Variants in ECPAS observed in about 807,000 individuals in gnomAD.
ECPAS encodes Ecm29 proteasome adaptor and scaffold, also known as proteasome adapter and scaffold protein ECM29.
ECPAS carries 70 observed loss-of-function variants against 255.1 expected under a neutral mutation model. The observed-to-expected ratio is 0.27, with a 90% CI of 0.23 to 0.33. The LOEUF (loss-of-function observed/expected upper bound fraction) is 0.33. Among genes scored for constraint, ECPAS ranks in the 10% least tolerant of loss-of-function variants. The probability of loss-of-function intolerance (pLI) is 1.00; values close to 1 mark genes in which losing one functional copy is unlikely to be tolerated. For synonymous variants in ECPAS, 784 were observed against 775.0 expected, an observed-to-expected ratio of 1.01 and a Z score of -0.19; for missense variants, 1,817 against 2,206.4, an observed-to-expected ratio of 0.82 and a Z score of 3.54.
intron 24 of ECPAS, among the ~76,000 whole-genome samples, chr9:111,401,689 C>T (rs1254288705): frequency 6.6e-6 from 1 of 152,172 alleles, no homozygotes; most frequent in East Asian, 1.9e-4. Context: ...AGTAGCCATT[C>T]ATAGACCTCC....
rs201496342 is a variant in ECPAS, at chr9:111,414,465, T to C, written c.1951A>G (p.Ile651Val). ...GCTAACAGCTGCTGAAGCAGGCCAATGTAGATCTGGACAGGGTTAGTCTCC... is the reference window on the plus strand; with the variant it reads ...GCTAACAGCTGCTGAAGCAGGCCAACGTAGATCTGGACAGGGTTAGTCTCC... The part of the protein sequence containing the change: ...SGETNPVQIY[I>V]GLLQQLLAGV... Residue 651 changes from isoleucine (I) to valine (V), a missense_variant, in exon 19 of 50, where the codon ATT becomes GTT. Coordinates refer to ENST00000684092, the MANE Select transcript of ECPAS (RefSeq NM_001364929.1). The C allele has an allele frequency of 4.2e-5, 68 of 1,614,002 alleles. No homozygotes were observed. Among genetic ancestry groups the C allele is most frequent in the Non-Finnish European group, 5.1e-5 (60 of 1,179,862 alleles).
rs766307166 is a variant in ECPAS at position 111,413,909 on chromosome 9, T to C, written c.2065A>G (p.Thr689Ala). ...EKLATKFVDK[T>A]EWIKSLMNNS... is the part of the protein sequence containing the mutation. ...GCAGAACATACCTTTATCCATTCTG[T>C]TTTGTCTACAAATTTGGTAGCCAGC... Residue 689 changes from threonine to alanine, a missense_variant, in exon 20 of 50, where the codon ACA (threonine) becomes GCA (alanine). By Grantham distance (58) the Thr-to-Ala change is moderately conservative (BLOSUM62 0). Coordinates refer to ENST00000684092, the MANE Select transcript of ECPAS (RefSeq NM_001364929.1). 23 of 1,575,742 alleles carry C rather than the reference T, an allele frequency of 1.5e-5. No individual in the cohort carries two copies. The Admixed American group carries it at 1.6e-4, about 11-fold the overall frequency.
chr9:111,363,500 A>C, intron 49 of ECPAS, 88 bp downstream of exon 49: 1 of 736,284 alleles, frequency 1.4e-6, no homozygotes, highest in Non-Finnish European at 2.4e-6. Flanking sequence ...TATATGCTTA[A>C]GAGTATAAGC....
At chr9:111,368,948 T>C in intron 46 of ECPAS, 87 bp downstream of exon 46, 2 of 1,265,566 alleles carry the variant, frequency 1.6e-6, no homozygotes, top group Middle Eastern at 2.0e-4. Flanking sequence ...TAAGAAACAA[T>C]AACTATAATT....
At chr9:111,404,491 T>C (rs903691740) in intron 24 of ECPAS, among the ~76,000 whole-genome samples, 4 of 148,692 alleles carry the variant, frequency 2.7e-5, no homozygotes, top group Non-Finnish European at 4.4e-5. Context: ...AGGAGAGGCC[T>C]GGTGGGGGGG....
chr9:111,467,914 T>A (rs572694663), intron 2 of ECPAS, among the ~76,000 whole-genome samples: 1 of 152,208 alleles, frequency 6.6e-6, no homozygotes, highest in South Asian at 2.1e-4. Context: ...GATACACAGA[T>A]TCAGAAGCTG....
chr9:111,470,746 CCACACACACACA>C lies in ECPAS; in HGVS notation c.22+2139_22+2150del, dbSNP rs57091815. On this transcript the variant is annotated intron_variant, in intron 2 of 49. Coordinates refer to ENST00000684092, the MANE Select transcript of ECPAS (RefSeq NM_001364929.1). ...AACCCCATCATGTCCTCTCCTCCCG[CCACACACACACA>C]CACACACACACACACACACACACAC... Among the ~76,000 whole-genome samples the C allele has an allele frequency of 8.7e-4, 108 of 124,584 alleles. 1 individual carries two copies. The East Asian group carries it at 9.8e-3, about 11-fold the overall frequency. 81.7% of individuals were successfully genotyped at this position (124,584 alleles called of 152,430 possible). A position where few individuals can be genotyped will look rare whatever the true frequency, so the allele number is the denominator to read the frequency against.
Position 111,383,228 on chromosome 9 carries a change from C to G in ECPAS, c.3786G>C (p.Thr1262=). The change falls in exon 35 of 50, where the codon ACG becomes ACC. Residue 1262 remains threonine, a synonymous_variant. Coordinates refer to ENST00000684092, the MANE Select transcript of ECPAS (RefSeq NM_001364929.1). ...ATGCACACCTGAGGGCTCGAACTTC[C>G]GTCACGGTGCTCATCATTCCTTTGT... The part of the protein sequence containing the change: ...LLDKGMMSTV[T]EVRALSINTL... 2 of 1,613,814 alleles carry G rather than the reference C, an allele frequency of 1.2e-6. No individual in the cohort carries two copies. The highest frequency in any genetic ancestry group is 1.7e-6 in the Non-Finnish European group (2 of 1,179,806).
At chr9:111,407,950 A>G (rs2098187735) in intron 24 of ECPAS, among the ~76,000 whole-genome samples, 1 of 152,220 alleles carries the variant, frequency 6.6e-6, no homozygotes, top group Non-Finnish European at 1.5e-5. Flanking sequence ...ACAAGTAACT[A>G]AAGAATCTAC....
At position 111,369,016 on chromosome 9, in the gene ECPAS, T is replaced by C; in HGVS notation, c.5113+19A>G. 1 of 1,531,936 alleles carries C rather than the reference T, an allele frequency of 6.5e-7. No homozygotes were observed. The highest frequency in any genetic ancestry group is 8.7e-7 in the Non-Finnish European group (1 of 1,148,260). 94.9% of individuals were successfully genotyped at this position (1,531,936 alleles called of 1,614,324 possible). A position where few individuals can be genotyped will look rare whatever the true frequency, so the allele number is the denominator to read the frequency against. On this transcript the variant is annotated intron_variant, in intron 46 of 49. Transcript: ENST00000684092. Reference sequence around the variant, plus strand: ...TAACCTCTGGTTACAGCACTTCAAATGCAGTTTCTGGTGCTTACGTTGGGT... The same window carrying C: ...TAACCTCTGGTTACAGCACTTCAAACGCAGTTTCTGGTGCTTACGTTGGGT...
intron 5 of ECPAS, among the ~76,000 whole-genome samples, chr9:111,441,182 A>C (rs1156460245): frequency 6.6e-6 from 1 of 150,826 alleles, no homozygotes; most frequent in Non-Finnish European, 1.5e-5. Context: ...AAAAAATAAA[A>C]AATAAAAAAT....
Position 111,397,137 on chromosome 9 carries a change from A to G in ECPAS, c.2669T>C (p.Leu890Pro). Residue 890 changes from leucine (L) to proline (P), a missense_variant, in exon 25 of 50, where the codon CTT becomes CCT. Coordinates refer to ENST00000684092, the MANE Select transcript of ECPAS (RefSeq NM_001364929.1). ...MDSVEAKQIE[L>P]QFTIGEAITS... ...AATGGCTTCGCCAATAGTGAACTGAAGTTCTATCTGCTTGGCCTGCAACGA... is the reference window on the plus strand; with the variant it reads ...AATGGCTTCGCCAATAGTGAACTGAGGTTCTATCTGCTTGGCCTGCAACGA... The G allele has an allele frequency of 6.2e-7, 1 of 1,613,896 alleles. No homozygotes were observed. Among genetic ancestry groups the G allele is most frequent in the Non-Finnish European group, 8.5e-7 (1 of 1,179,788 alleles).
chr9:111,395,807 C>T (rs1213277115), intron 25 of ECPAS, among the ~76,000 whole-genome samples: 1 of 152,152 alleles, frequency 6.6e-6, no homozygotes, highest in East Asian at 1.9e-4. Flanking sequence ...TGGTTGTCTT[C>T]TTGTTAACAA....
Position 111,373,130 on chromosome 9 carries a change from T to G in ECPAS, c.4336+40A>C, listed in dbSNP as rs367663320. 94 of 1,509,864 alleles carry G rather than the reference T, an allele frequency of 6.2e-5. No individual in the cohort carries two copies. In the African/African-American group the frequency reaches 1.1e-3, roughly 18 times the overall value. 93.5% of individuals were successfully genotyped at this position (1,509,864 alleles called of 1,614,324 possible). A position where few individuals can be genotyped will look rare whatever the true frequency, so the allele number is the denominator to read the frequency against. On this transcript the variant is annotated intron_variant, in intron 41 of 49. Transcript: ENST00000684092. The stretch of plus-strand genomic sequence containing the variant: ...GTACTGTTTTACTGGGCTGTTAACA[T>G]CTAAATTTAAAATGACATAAAATAG...
At chr9:111,386,294 T>A (rs992187877) in intron 32 of ECPAS, 83 bp downstream of exon 32, 7 of 904,008 alleles carry the variant, frequency 7.7e-6, no homozygotes, top group East Asian at 2.5e-5. Flanking sequence ...TTATTCCTTT[T>A]GCACAAAGTA....
At position 111,413,918 on chromosome 9, in the gene ECPAS, C is replaced by T; in HGVS notation, c.2056G>A (p.Val686Ile). 1.3e-6 allele frequency: 2 copies of T among 1,582,492 alleles called. No homozygotes were observed. The highest frequency in any genetic ancestry group is 8.6e-7 in the Non-Finnish European group (1 of 1,162,484). ...ACCTTTATCCATTCTGTTTTGTCTA[C>T]AAATTTGGTAGCCAGCTTTTCTGGA... ...VYPEKLATKFVDKTEWIKSLM... is the reference protein window; with the variant it reads ...VYPEKLATKFIDKTEWIKSLM... Residue 686 changes from valine to isoleucine, a missense_variant, in exon 20 of 50, where the codon GTA becomes ATA. Val to Ile is a conservative substitution (Grantham distance 29). Around this residue, in one of 4 missense-constraint regions of ECPAS, gnomAD observed 573 missense variants for 716.2 expected, o/e 0.80. Transcript: ENST00000684092.
intron 2 of ECPAS, among the ~76,000 whole-genome samples, chr9:111,468,183 A>G (rs2098281797): frequency 6.6e-6 from 1 of 152,084 alleles, no homozygotes; most frequent in Admixed American, 6.6e-5. Flanking sequence ...AAACAAGCTG[A>G]ACCCAGAGAG....
Position 111,414,803 on chromosome 9 carries a change from A to AT in ECPAS, c.1765-153dup, listed in dbSNP as rs2098200613. The stretch of plus-strand genomic sequence containing the variant: ...CATGGAAGGCAGAAAATATGCCATA[A>AT]TGGAGCAAAATTTGTATAATAAGGT... On this transcript the variant is annotated intron_variant, in intron 18 of 49. Coordinates refer to ENST00000684092, the MANE Select transcript of ECPAS (RefSeq NM_001364929.1). Among the ~76,000 whole-genome samples, 5 of 152,364 alleles carry AT rather than the reference A, an allele frequency of 3.3e-5. 1 individual carries two copies. In the South Asian group the frequency reaches 1.0e-3, roughly 32 times the overall value.
chr9:111,375,916 G>C (rs886137681), intron 37 of ECPAS, among the ~76,000 whole-genome samples: 1 of 152,182 alleles, frequency 6.6e-6, no homozygotes, highest in South Asian at 2.1e-4. Context: ...CTAATTTCCA[G>C]TAAACACAAT....
Sources: allele counts gnomAD v4.1 joint callset (sites outside exome capture counted in the v4.1 genomes callset), GRCh38; gene constraint gnomAD v4.1.1; regional missense constraint gnomAD v4.1.1; transcripts MANE v1.5; gene names NCBI Gene and HGNC (gene_info 2026-07-23, HGNC 2026-07-21).